SCHIP1: variants seen among roughly 807,000 people sequenced by gnomAD.
SCHIP1 encodes schwannomin interacting protein 1.
A neutral mutation model predicts 29.7 loss-of-function variants in SCHIP1; 8 were observed. The ratio of observed to expected loss-of-function variants is 0.27; its 90% confidence interval spans 0.16 to 0.49. SCHIP1 has a LOEUF of 0.49. Among genes scored for constraint, SCHIP1 ranks in the 20% least tolerant of loss-of-function variants. The probability of loss-of-function intolerance (pLI) is 0.99; values close to 1 mark genes in which losing one functional copy is unlikely to be tolerated. For synonymous variants in SCHIP1, 76 were observed against 94.9 expected (o/e 0.80, Z 1.16); for missense variants, 193 against 294.6 (o/e 0.66, Z 2.52).
At chr3:159,395,543 GA>G in the SCHIP1 span, among the ~76,000 whole-genome samples, 2 of 151,814 alleles carry the variant, frequency 1.3e-5, no homozygotes. Context: ...TGGTTTCAAA[GA>G]ACATCTTTAT....
At chr3:159,554,028 G>GTGTGTGTGTGTGTGTGTGTGTGTGTA in the SCHIP1 span, among the ~76,000 whole-genome samples, 5 of 73,424 alleles carry the variant, frequency 6.8e-5, no homozygotes, top group African/African-American at 6.0e-4. Flanking sequence ...GTTTGTGTAT[G>GTGTGTGTGTGTGTGTGTGTGTGTGTA]TGTGTGTGTG....
the SCHIP1 span, among the ~76,000 whole-genome samples, chr3:159,277,451 T>A: frequency 6.6e-6 from 1 of 152,038 alleles, no homozygotes; most frequent in Admixed American, 6.6e-5. Context: ...TAGTATGGCT[T>A]GGAAGAATTT....
chr3:159,478,608 G>GAA, the SCHIP1 span, among the ~76,000 whole-genome samples: 1 of 151,892 alleles, frequency 6.6e-6, no homozygotes, highest in African/African-American at 2.4e-5. Context: ...TCTATTCTGT[G>GAA]AAAAAAATGG....
chr3:159,674,079 C>G, the SCHIP1 span, among the ~76,000 whole-genome samples: 4 of 152,178 alleles, frequency 2.6e-5, no homozygotes, highest in Admixed American at 2.6e-4. Flanking sequence ...CTTTGTTCTT[C>G]AAAGTTATTT....
the SCHIP1 span, among the ~76,000 whole-genome samples, chr3:159,296,107 G>A: frequency 2.7e-5 from 4 of 150,070 alleles, no homozygotes; most frequent in East Asian, 1.9e-4. Flanking sequence ...GAAAACAACC[G>A]AAATTTGAGG....
the SCHIP1 span, among the ~76,000 whole-genome samples, chr3:159,651,892 C>G: frequency 6.2e-3 from 948 of 152,218 alleles, 16 homozygotes; most frequent in African/African-American, 0.02. Flanking sequence ...GTCAGGAGAT[C>G]GAGACCATTC....
At chr3:159,626,195 G>T in the SCHIP1 span, among the ~76,000 whole-genome samples, 122 of 109,098 alleles carry the variant, frequency 1.1e-3, 12 homozygotes, top group African/African-American at 7.7e-3. Flanking sequence ...TAGATAGATA[G>T]ATAGATAGAT....
the SCHIP1 span, among the ~76,000 whole-genome samples, chr3:159,485,587 G>T: frequency 6.6e-6 from 1 of 152,128 alleles, no homozygotes; most frequent in Non-Finnish European, 1.5e-5. Context: ...AAAGTAATAT[G>T]TTTATGGCAA....
the SCHIP1 span, among the ~76,000 whole-genome samples, chr3:159,516,384 T>C: frequency 6.6e-6 from 1 of 152,166 alleles, no homozygotes; most frequent in African/African-American, 2.4e-5. Context: ...GATACCTCAG[T>C]GTACTTTGAC....
At chr3:159,515,788 G>A in the SCHIP1 span, among the ~76,000 whole-genome samples, 33 of 152,158 alleles carry the variant, frequency 2.2e-4, no homozygotes, top group Admixed American at 1.1e-3. Flanking sequence ...TTCTTTATTG[G>A]AAAGCATTTA....
the SCHIP1 span, among the ~76,000 whole-genome samples, chr3:159,743,889 A>G: frequency 6.6e-6 from 1 of 152,228 alleles, no homozygotes; most frequent in African/African-American, 2.4e-5. Flanking sequence ...ATGCACAGTA[A>G]TATCAAAATT....
chr3:159,722,071 C>T, the SCHIP1 span: 1 of 365,688 alleles, frequency 2.7e-6, no homozygotes, highest in Non-Finnish European at 5.3e-6. Flanking sequence ...TTGGTTTCTG[C>T]AGAAAACAAT....
the SCHIP1 span, among the ~76,000 whole-genome samples, chr3:159,548,316 T>C: frequency 1.3e-5 from 2 of 152,074 alleles, no homozygotes; most frequent in African/African-American, 4.8e-5. Flanking sequence ...CATTTGTTAT[T>C]TCTTCTTGAG....
the SCHIP1 span, among the ~76,000 whole-genome samples, chr3:159,558,010 A>G: frequency 4.6e-5 from 7 of 152,228 alleles, no homozygotes; most frequent in African/African-American, 1.7e-4. Flanking sequence ...TCCGCAAGAT[A>G]TAAATTCCCC....
chr3:159,828,422 T>C, the SCHIP1 span, among the ~76,000 whole-genome samples: 1 of 77,038 alleles, frequency 1.3e-5, no homozygotes, highest in Non-Finnish European at 3.1e-5. Context: ...TATATACGTA[T>C]ATATATACGT....
At chr3:159,417,649 G>GAT in the SCHIP1 span, among the ~76,000 whole-genome samples, 7 of 152,214 alleles carry the variant, frequency 4.6e-5, no homozygotes, top group African/African-American at 1.7e-4. Context: ...ACTCTGCAAT[G>GAT]ATGGCCCTAA....
the SCHIP1 span, among the ~76,000 whole-genome samples, chr3:159,543,788 G>A: frequency 2.0e-5 from 3 of 152,016 alleles, no homozygotes; most frequent in East Asian, 3.9e-4. Flanking sequence ...CTGATGAATC[G>A]CCACACTGAC....
the SCHIP1 span, among the ~76,000 whole-genome samples, chr3:159,770,154 A>C: frequency 6.6e-6 from 1 of 152,244 alleles, no homozygotes; most frequent in South Asian, 2.1e-4. Context: ...CTTGCTGAGT[A>C]GTGTTCCATT....
At chr3:159,717,407 C>T in the SCHIP1 span, among the ~76,000 whole-genome samples, 5 of 150,988 alleles carry the variant, frequency 3.3e-5, no homozygotes, top group African/African-American at 1.2e-4. Context: ...GAGATAGAGA[C>T]AAAAACCCTT....
Sources: gnomAD v4.1 joint callset for allele counts (sites outside exome capture counted in the v4.1 genomes callset) on GRCh38, gnomAD v4.1.1 for gene constraint, MANE v1.5 for transcripts, NCBI Gene and HGNC (gene_info 2026-07-23, HGNC 2026-07-21) for gene names.